H2BW1: variants seen among roughly 807,000 people sequenced by gnomAD.
H2BW1 encodes histone H2B type W-T.
A neutral mutation model predicts 8.0 loss-of-function variants in H2BW1; 9 were observed. That is an observed-to-expected ratio of 1.13 (90% CI 0.68 to 1.97). The LOEUF is 1.97. H2BW1 is among the 30% of genes most tolerant of loss of function. The probability of loss-of-function intolerance (pLI) is 0.00; values close to 1 mark genes in which losing one functional copy is unlikely to be tolerated. For missense variants in H2BW1, 137 were observed against 132.0 expected (o/e 1.04, Z -0.19); for synonymous variants, 58 against 54.7 (o/e 1.06, Z -0.26).
rs782518895 is a variant in H2BW1, at chrX:104,013,516, C to G, written c.61G>C (p.Glu21Gln). The change falls in exon 1 of 3, where the codon GAG becomes CAG. Residue 21 changes from glutamate to glutamine, a missense_variant. By Grantham distance (29) the Glu-to-Gln change is conservative. Transcript: ENST00000217926. ...EEQLITQEPK[E>Q]ANSTTSQKQS... Reference sequence around the variant, plus strand: ...TTCTGGGACGTAGTGGAGTTGGCCTCTTTGGGCTCCTGGGTGATCAGCTGT... The same window carrying G: ...TTCTGGGACGTAGTGGAGTTGGCCTGTTTGGGCTCCTGGGTGATCAGCTGT... 1.6e-5 allele frequency: 19 copies of G among 1,210,463 alleles called. 1 individual carries two copies. Among genetic ancestry groups the G allele is most frequent in the Non-Finnish European group, 2.1e-5 (19 of 895,327 alleles).
At chrX:104,011,923 A>G (rs1242248605) in intron 2 of H2BW1, among the ~76,000 whole-genome samples, 2 of 111,475 alleles carry the variant, frequency 1.8e-5, no homozygotes, top group African/African-American at 3.3e-5. Flanking sequence ...ATCCCAGAGT[A>G]TGTTCTCTGG....
intron 1 of H2BW1, 135 bp from the exon 2 acceptor site, chrX:104,012,883 A>G: frequency 1.0e-6 from 1 of 996,498 alleles, no homozygotes; most frequent in South Asian, 2.3e-5. Flanking sequence ...TGAGGAAATG[A>G]AACACGATCA....
At chrX:104,012,928 G>A (rs1488389415) in intron 1 of H2BW1, among the ~76,000 whole-genome samples, 180 bp from the exon 2 acceptor site, 4 of 112,536 alleles carry the variant, frequency 3.6e-5, no homozygotes, top group Admixed American at 1.9e-4. Flanking sequence ...GGAGCAAACT[G>A]CACTACAGAT....
chrX:104,013,458 C>G lies in H2BW1; in HGVS notation c.119G>C (p.Gly40Ala), dbSNP rs782364235. 5 of 1,212,002 alleles carry G rather than the reference C, an allele frequency of 4.1e-6. No individual in the cohort carries two copies. Among genetic ancestry groups the G allele is most frequent in the Non-Finnish European group, 5.6e-6 (5 of 895,569 alleles). ...QSKQRKRGRH[G>A]PRRCHSNCRG... ...GCAGTTGGAGTGGCACCTGCGGGGC[C>G]CATGGCGCCCTCGCTTCCTCTGCTT... is the stretch of plus-strand genomic sequence containing the variant. The change falls in exon 1 of 3, where the codon GGG becomes GCG. Residue 40 changes from glycine (G) to alanine (A), a missense_variant. Physicochemically the swap from Gly to Ala is moderately conservative, Grantham distance 60. Transcript: ENST00000217926.
chrX:104,012,895 G>A (rs1400688421), intron 1 of H2BW1, 147 bp from the exon 2 acceptor site: 1 of 939,604 alleles, frequency 1.1e-6, no homozygotes, highest in Non-Finnish European at 1.5e-6. Context: ...ACACGATCAC[G>A]GAAACACCCA....
In H2BW1 at chrX:104,011,312, G is replaced by T. The variant is rs1556337181; in HGVS notation, c.*174C>A. 8.9e-6 allele frequency: 1 copy of T among 112,244 alleles called. No individual in the cohort carries two copies. Among genetic ancestry groups the T allele is most frequent in the East Asian group, 2.8e-4 (1 of 3,605 alleles). 9.3% of individuals were successfully genotyped at this position (112,244 alleles called of 1,213,427 possible). A position where few individuals can be genotyped will look rare whatever the true frequency, so the allele number is the denominator to read the frequency against. On this transcript the variant is annotated 3_prime_UTR_variant, in exon 3 of 3. Transcript: ENST00000217926. Reference sequence around the variant, plus strand: ...GAACAGGGTTCTGCCAAGCGTCTTTGGTTTTCAAAGTGTTGCTCCGGACAT... The same window carrying T: ...GAACAGGGTTCTGCCAAGCGTCTTTTGTTTTCAAAGTGTTGCTCCGGACAT...
At chrX:104,013,111 C>T (rs1242451126) in intron 1 of H2BW1, 59 bp downstream of exon 1, 2 of 1,154,220 alleles carry the variant, frequency 1.7e-6, no homozygotes, top group African/African-American at 3.6e-5. Flanking sequence ...CTGAAAAGAC[C>T]CTTTGGGTTC....
chrX:104,013,150 C>A lies in H2BW1; in HGVS notation c.407+20G>T. 1 of 1,184,469 alleles carries A rather than the reference C, an allele frequency of 8.4e-7. No individual in the cohort carries two copies. The highest frequency in any genetic ancestry group is 1.1e-6 in the Non-Finnish European group (1 of 881,084). On this transcript the variant is annotated intron_variant, in intron 1 of 2. Coordinates refer to ENST00000217926, the MANE Select transcript of H2BW1 (RefSeq NM_001002916.5). ...TGGTGCTCGGGTGCTCCTGAGGGAG[C>A]GCACTTGCTCCTGGTGTACCTGAGG...
At chrX:104,011,871 T>C (rs2075127451) in intron 2 of H2BW1, among the ~76,000 whole-genome samples, 1 of 111,767 alleles carries the variant, frequency 8.9e-6, no homozygotes, top group South Asian at 3.8e-4. Flanking sequence ...TGGCCACATA[T>C]TGAGCTTCAA....
intron 2 of H2BW1, 149 bp downstream of exon 2, chrX:104,012,541 G>T (rs782602416): frequency 1.1e-6 from 1 of 879,012 alleles, no homozygotes; most frequent in East Asian, 3.5e-5. Context: ...AGAATGAACT[G>T]CAATAGTGAT....
chrX:104,012,805 G>A, intron 1 of H2BW1, 57 bp from the exon 2 acceptor site: 1 of 1,203,606 alleles, frequency 8.3e-7, no homozygotes, highest in Non-Finnish European at 1.1e-6. Context: ...GTAAAGATCA[G>A]TGCAGTAATA....
chrX:104,012,916 T>C (rs2075130099), intron 1 of H2BW1, among the ~76,000 whole-genome samples, 168 bp from the exon 2 acceptor site: 1 of 112,658 alleles, frequency 8.9e-6, no homozygotes, highest in African/African-American at 3.2e-5. Context: ...CTATTTTTCC[T>C]TGGAGCAAAC....
In H2BW1 at chrX:104,013,629, C is replaced by T. The variant is rs374841129; in HGVS notation, c.-53G>A. 50 of 1,203,868 alleles carry T rather than the reference C, an allele frequency of 4.2e-5. No individual in the cohort carries two copies. Among genetic ancestry groups the T allele is most frequent in the Non-Finnish European group, 5.3e-5 (47 of 891,874 alleles). Reference sequence around the variant, plus strand: ...CGACCAGACAATGGCGGTTGTGGACCGGGGAAGCCGGGGCACTTCGGTACG... The same window carrying T: ...CGACCAGACAATGGCGGTTGTGGACTGGGGAAGCCGGGGCACTTCGGTACG... On this transcript the variant is annotated 5_prime_UTR_variant, in exon 1 of 3. Coordinates refer to ENST00000217926, the MANE Select transcript of H2BW1 (RefSeq NM_001002916.5).
rs147415855 is a variant in H2BW1 at position 104,012,445 on chromosome X, A to G, written c.*22+245T>C. Among the ~76,000 whole-genome samples, 728 of 112,214 alleles carry G rather than the reference A, an allele frequency of 6.5e-3. 9 individuals are homozygous for G. Among genetic ancestry groups the G allele is most frequent in the African/African-American group, 0.022 (686 of 30,823 alleles). ...TAGGGCATGAGCCATTTCTGTGGAC[A>G]CTCCCTAAGCCTACTGACACAAACC... is the stretch of plus-strand genomic sequence containing the variant. On this transcript the variant is annotated intron_variant, in intron 2 of 2. Coordinates refer to ENST00000217926, the MANE Select transcript of H2BW1 (RefSeq NM_001002916.5).
chrX:104,012,315 C>T (rs782159806), intron 2 of H2BW1, among the ~76,000 whole-genome samples: 2 of 111,705 alleles, frequency 1.8e-5, no homozygotes, highest in Admixed American at 1.9e-4. Context: ...GACTGCATAT[C>T]AGTGCAAGGC....
intron 1 of H2BW1, 125 bp from the exon 2 acceptor site, chrX:104,012,873 T>G (rs1362881861): frequency 6.0e-5 from 63 of 1,046,221 alleles, no homozygotes; most frequent in Non-Finnish European, 7.7e-5. Context: ...TTTACGAAAC[T>G]GAGGAAATGA....
Position 104,013,588 on chromosome X carries a change from T to C in H2BW1, c.-12A>G. ...GAAGGTCCAGCCATGGCGGAGGCAG[T>C]GGCCATTAGATGGCACGACCAGACA... On this transcript the variant is annotated 5_prime_UTR_variant, in exon 1 of 3. Transcript: ENST00000217926. The C allele has an allele frequency of 8.3e-7, 1 of 1,211,553 alleles. No homozygotes were observed. The highest frequency in any genetic ancestry group is 1.1e-6 in the Non-Finnish European group (1 of 895,338).
chrX:104,012,141 T>C (rs2075127946), intron 2 of H2BW1, among the ~76,000 whole-genome samples: 1 of 112,429 alleles, frequency 8.9e-6, no homozygotes, highest in Non-Finnish European at 1.9e-5. Context: ...AAGCGTTATC[T>C]GACTTCTCCT....
rs782006019 is a variant in H2BW1 at position 104,013,417 on chromosome X, C to T, written c.160G>A (p.Ala54Thr). Residue 54 changes from alanine to threonine, a missense_variant, in exon 1 of 3, where the codon GCC (alanine) becomes ACC (threonine). Transcript: ENST00000217926. ...CHSNCRGDSF[A>T]TYFRRVLKQV... ...TTCAGCACCCGGCGGAAATAGGTGG[C>T]GAAGCTGTCCCCGCGGCAGTTGGAG... The T allele has an allele frequency of 1.9e-5, 23 of 1,210,882 alleles. No homozygotes were observed. The highest frequency in any genetic ancestry group is 1.1e-4 in the South Asian group (6 of 56,863).
Sources: allele counts gnomAD v4.1 joint callset (sites outside exome capture counted in the v4.1 genomes callset), GRCh38; gene constraint gnomAD v4.1.1; transcripts MANE v1.5; gene names NCBI Gene and HGNC (gene_info 2026-07-23, HGNC 2026-07-21).